Variants in SLC39A9 observed in about 807,000 individuals in gnomAD.
The protein encoded by SLC39A9 is zinc transporter ZIP9.
Under a neutral mutation model 28.4 loss-of-function variants are expected in SLC39A9, and 14 were observed. The ratio of observed to expected loss-of-function variants is 0.49; its 90% CI spans 0.33 to 0.77. SLC39A9 has a LOEUF of 0.77. Among genes scored for constraint, SLC39A9 ranks in the 30% least tolerant of loss-of-function variants. The pLI, the probability that SLC39A9 is intolerant of heterozygous loss-of-function variation, is 0.02. For synonymous variants in SLC39A9, 119 were observed against 149.6 expected, an observed-to-expected ratio of 0.80 and a Z score of 1.49; for missense variants, 283 against 381.1, an observed-to-expected ratio of 0.74 and a Z score of 2.14.
intron 2 of SLC39A9, among the ~76,000 whole-genome samples, chr14:69,434,084 T>C (rs1406998389): frequency 5.6e-5 from 2 of 35,460 alleles, no homozygotes; most frequent in Non-Finnish European, 1.3e-4. Flanking sequence ...TTTTCTTTTC[T>C]TTTTTTTTTT....
At chr14:69,415,988 G>A (rs1594910273) in intron 1 of SLC39A9, among the ~76,000 whole-genome samples, 1 of 152,042 alleles carries the variant, frequency 6.6e-6, no homozygotes, top group African/African-American at 2.4e-5. Flanking sequence ...TGTTACATAT[G>A]TATACATGTG....
chr14:69,458,443 C>G lies in SLC39A9; in HGVS notation c.774C>G (p.Ala258=). The G allele has an allele frequency of 1.2e-6, 2 of 1,614,246 alleles. No homozygotes were observed. The highest frequency in any genetic ancestry group is 1.6e-4 in the Middle Eastern group (1 of 6,062). ...LFSAGTFLYV[A]TVHVLPEVGG... Reference sequence around the variant, plus strand: ...CTGCCGGGACATTTCTTTATGTTGCCACAGTACATGTCCTCCCTGAGGTGG... The same window carrying G: ...CTGCCGGGACATTTCTTTATGTTGCGACAGTACATGTCCTCCCTGAGGTGG... The change falls in exon 7 of 7, where the codon GCC becomes GCG. Residue 258 remains alanine (A), a synonymous_variant. Transcript: ENST00000336643.
At position 69,399,098 on chromosome 14, in the gene SLC39A9, A is replaced by G. The variant is rs752801084; in HGVS notation, c.-272A>G. ...TGACTTTTCCCATCTCTGTTAACCCACGAGAATCTAATGACTGGCATCTGA... is the reference window on the plus strand; with the variant it reads ...TGACTTTTCCCATCTCTGTTAACCCGCGAGAATCTAATGACTGGCATCTGA... On this transcript the variant is annotated 5_prime_UTR_variant, in exon 1 of 7. Coordinates refer to ENST00000336643, the MANE Select transcript of SLC39A9 (RefSeq NM_018375.5). 7.0e-6 allele frequency: 3 copies of G among 426,674 alleles called. No homozygotes were observed. Among genetic ancestry groups the G allele is most frequent in the Non-Finnish European group, 1.2e-5 (3 of 241,316 alleles). 26.4% of individuals were successfully genotyped at this position (426,674 alleles called of 1,614,324 possible).
chr14:69,442,119 G>C lies in SLC39A9; in HGVS notation c.256G>C (p.Ala86Pro), dbSNP rs768276597. The C allele has an allele frequency of 6.2e-7, 1 of 1,614,180 alleles. No individual in the cohort carries two copies. The highest frequency in any genetic ancestry group is 1.1e-5 in the South Asian group (1 of 91,082). The change falls in exon 3 of 7, where the codon GCA becomes CCA. Residue 86 changes from alanine to proline, a missense_variant. Transcript: ENST00000336643. Reference protein sequence around the residue: ...ETHNVIASDKAAEKSVVHEHE... With the variant: ...ETHNVIASDKPAEKSVVHEHE... ...ACATAATGTGATTGCATCAGACAAA[G>C]CAGCAGAAAAATCAGTTGTCCATGA...
At chr14:69,440,494 A>G (rs1884992212) in intron 2 of SLC39A9, among the ~76,000 whole-genome samples, 1 of 152,106 alleles carries the variant, frequency 6.6e-6, no homozygotes, top group South Asian at 2.1e-4. Context: ...CTGAGGTAGG[A>G]GGATGACTTC....
At position 69,460,472 on chromosome 14, in the gene SLC39A9, T is replaced by C. The variant is rs771791541; in HGVS notation, c.*1879T>C. On this transcript the variant is annotated 3_prime_UTR_variant, in exon 7 of 7. Coordinates refer to ENST00000336643, the MANE Select transcript of SLC39A9 (RefSeq NM_018375.5). Reference sequence around the variant, plus strand: ...GACTGGTGTGAGACTTGAGGTTTCATCTAGTCCTTCAAAACTATATGGTTG... The same window carrying C: ...GACTGGTGTGAGACTTGAGGTTTCACCTAGTCCTTCAAAACTATATGGTTG... 6.6e-5 allele frequency: 65 copies of C among 985,508 alleles called. No individual in the cohort carries two copies. In the South Asian group the frequency reaches 1.3e-3, roughly 20 times the overall value. The allele number at this position is 985,508 out of a possible 1,614,324, so 61.0% of individuals were successfully genotyped here. A position where few individuals can be genotyped will look rare whatever the true frequency, so the allele number is the denominator to read the frequency against.
At chr14:69,428,580 C>T (rs1233845005) in intron 2 of SLC39A9, 1 of 152,574 alleles carries the variant, frequency 6.6e-6, no homozygotes, top group African/African-American at 2.4e-5. Flanking sequence ...ACAGTTGTGC[C>T]CAGATCAGCT....
At chr14:69,418,493 A>G (rs1883697533) in intron 1 of SLC39A9, among the ~76,000 whole-genome samples, 1 of 152,150 alleles carries the variant, frequency 6.6e-6, no homozygotes, top group Non-Finnish European at 1.5e-5. Context: ...GCCTCATAAA[A>G]TGAATTAGAG....
intron 1 of SLC39A9, among the ~76,000 whole-genome samples, chr14:69,412,562 G>A (rs541893326): frequency 6.9e-4 from 105 of 152,172 alleles, no homozygotes; most frequent in Middle Eastern, 6.8e-3. Context: ...AAGAGGTTCC[G>A]CTACATTTGT....
chr14:69,421,605 A>G (rs557989476), intron 1 of SLC39A9, among the ~76,000 whole-genome samples: 4 of 152,310 alleles, frequency 2.6e-5, no homozygotes, highest in African/African-American at 4.8e-5. Context: ...CCCTGCCCCC[A>G]GAGGTGGAGT....
chr14:69,449,250 G>A (rs1004720018), intron 3 of SLC39A9, among the ~76,000 whole-genome samples: 1 of 152,132 alleles, frequency 6.6e-6, no homozygotes, highest in African/African-American at 2.4e-5. Flanking sequence ...AGCACTGTTG[G>A]GTGGTATTGG....
Position 69,459,051 on chromosome 14 carries a change from A to G in SLC39A9, c.*458A>G. ...TCCCACCATGTAAGACTGGTGCTTT[A>G]GCATCTATGCCACATGCGTTGATGG... On this transcript the variant is annotated 3_prime_UTR_variant, in exon 7 of 7. Coordinates refer to ENST00000336643, the MANE Select transcript of SLC39A9 (RefSeq NM_018375.5). The G allele has an allele frequency of 1.0e-6, 1 of 988,908 alleles. No homozygotes were observed. Among genetic ancestry groups the G allele is most frequent in the Non-Finnish European group, 1.2e-6 (1 of 831,668 alleles). The allele number at this position is 988,908 out of a possible 1,614,324, so 61.3% of individuals were successfully genotyped here.
intron 1 of SLC39A9, among the ~76,000 whole-genome samples, chr14:69,410,497 C>T (rs1157113572): frequency 6.7e-6 from 1 of 150,194 alleles, no homozygotes; most frequent in Non-Finnish European, 1.5e-5. Context: ...GCCATGAAGC[C>T]CAGGAAGGTT....
At chr14:69,440,855 G>A (rs914684375) in intron 2 of SLC39A9, among the ~76,000 whole-genome samples, 1 of 152,128 alleles carries the variant, frequency 6.6e-6, no homozygotes, top group African/African-American at 2.4e-5. Flanking sequence ...TGTATTTTTA[G>A]TAGAGACGGG....
intron 3 of SLC39A9, among the ~76,000 whole-genome samples, chr14:69,449,900 G>A (rs2139443593): frequency 6.6e-6 from 1 of 151,864 alleles, no homozygotes; most frequent in South Asian, 2.1e-4. Context: ...TGCAAGAAAG[G>A]AAGGGGGCTG....
In SLC39A9 at chr14:69,418,568, G is replaced by C. The variant is rs528291588; in HGVS notation, c.97-5526G>C. Among the ~76,000 whole-genome samples, 7 of 152,212 alleles carry C rather than the reference G, an allele frequency of 4.6e-5. No homozygotes were observed. The East Asian group carries it at 1.4e-3, about 29-fold the overall frequency. On this transcript the variant is annotated intron_variant, in intron 1 of 6. Coordinates refer to ENST00000336643, the MANE Select transcript of SLC39A9 (RefSeq NM_018375.5). ...GAAGGAATGGTACCAGCTCCTCTTT[G>C]TACCTCTGGTAGAATTCAGCTGTGA... is the stretch of plus-strand genomic sequence containing the variant.
intron 3 of SLC39A9, among the ~76,000 whole-genome samples, chr14:69,445,952 T>A (rs554829226): frequency 6.6e-6 from 1 of 152,352 alleles, no homozygotes; most frequent in African/African-American, 2.4e-5. Flanking sequence ...AAATTATGAA[T>A]GTAGTATTTG....
At chr14:69,457,181 TATAC>T in intron 6 of SLC39A9, among the ~76,000 whole-genome samples, 1 of 151,590 alleles carries the variant, frequency 6.6e-6, no homozygotes, top group Non-Finnish European at 1.5e-5. Context: ...TATACATATA[TATAC>T]ACACACACAC....
At chr14:69,411,499 C>T (rs190508520) in intron 1 of SLC39A9, among the ~76,000 whole-genome samples, 14 of 152,164 alleles carry the variant, frequency 9.2e-5, no homozygotes, top group Admixed American at 5.2e-4. Context: ...TCATGCCTCT[C>T]CTGAGCAAAT....
Sources: gnomAD v4.1 joint callset for allele counts (sites outside exome capture counted in the v4.1 genomes callset) on GRCh38, gnomAD v4.1.1 for gene constraint, MANE v1.5 for transcripts, NCBI Gene and HGNC (gene_info 2026-07-23, HGNC 2026-07-21) for gene names.